ABI3BP: variants seen among roughly 807,000 people sequenced by gnomAD.
The protein encoded by ABI3BP is ABI family member 3 binding protein.
Under a neutral mutation model 268.6 loss-of-function variants are expected in ABI3BP, and 216 were observed. The ratio of observed to expected loss-of-function variants is 0.80; its 90% CI spans 0.72 to 0.90. The LOEUF (loss-of-function observed/expected upper bound fraction) is 0.90. ABI3BP is among the 40% of genes least tolerant of loss of function. The probability of loss-of-function intolerance (pLI) is 0.00; values close to 1 mark genes in which losing one functional copy is unlikely to be tolerated. For missense variants in ABI3BP, 2,090 were observed against 2,182.4 expected, an observed-to-expected ratio of 0.96 and a Z score of 0.84; for synonymous variants, 730 against 730.0, an observed-to-expected ratio of 1.00 and a Z score of 0.00.
At chr3:100,926,527 T>C (rs533072797) in intron 1 of ABI3BP, 46 bp from the exon 2 acceptor site, 9 of 1,559,876 alleles carry the variant, frequency 5.8e-6, no homozygotes, top group African/African-American at 2.7e-5. Context: ...TTCCCCTTTT[T>C]AGCATCCTAC....
chr3:100,911,481 G>T, intron 2 of ABI3BP: 2 of 410,594 alleles, frequency 4.9e-6, no homozygotes, highest in Non-Finnish European at 8.9e-6. Context: ...TTTATTGCTT[G>T]TTCATTGTTT....
intron 14 of ABI3BP, 60 bp from the exon 15 acceptor site, chr3:100,852,000 T>C: frequency 7.2e-7 from 1 of 1,385,178 alleles, no homozygotes; most frequent in Non-Finnish European, 9.8e-7. Context: ...ATTTGATTAA[T>C]TTAGAAAGAT....
chr3:100,821,959 C>A (rs2098244086), intron 38 of ABI3BP, among the ~76,000 whole-genome samples: 1 of 152,062 alleles, frequency 6.6e-6, no homozygotes, highest in Non-Finnish European at 1.5e-5. Context: ...TTGGTCTCTA[C>A]TTGTGTCTTT....
intron 26 of ABI3BP, among the ~76,000 whole-genome samples, chr3:100,837,623 G>C (rs2098620703): frequency 6.6e-6 from 1 of 152,126 alleles, no homozygotes; most frequent in African/African-American, 2.4e-5. Context: ...CTGGTGTGGT[G>C]GTGGGTGCCT....
chr3:100,984,265 G>A (rs1171778082), intron 1 of ABI3BP, among the ~76,000 whole-genome samples: 1 of 152,074 alleles, frequency 6.6e-6, no homozygotes, highest in Non-Finnish European at 1.5e-5. Flanking sequence ...AATATATTGG[G>A]CTATAGCCTG....
chr3:100,775,664 T>C (rs571372759), intron 59 of ABI3BP, among the ~76,000 whole-genome samples: 2 of 152,042 alleles, frequency 1.3e-5, no homozygotes, highest in South Asian at 4.2e-4. Flanking sequence ...GATGTGCCAA[T>C]AGAGGAGAAG....
intron 32 of ABI3BP, among the ~76,000 whole-genome samples, 183 bp from the exon 33 acceptor site, chr3:100,829,847 T>C (rs1242739668): frequency 2.6e-5 from 4 of 151,866 alleles, no homozygotes; most frequent in Non-Finnish European, 4.4e-5. Context: ...AAAAATCACA[T>C]AGAAATATGA....
chr3:100,825,907 C>A, intron 34 of ABI3BP, 63 bp from the exon 35 acceptor site: 1 of 1,202,404 alleles, frequency 8.3e-7, no homozygotes, highest in Non-Finnish European at 1.2e-6. Flanking sequence ...GTATTCACAT[C>A]AAAACGTATC....
chr3:100,835,221 A>G (rs1469083096), intron 28 of ABI3BP, among the ~76,000 whole-genome samples: 2 of 152,224 alleles, frequency 1.3e-5, no homozygotes, highest in Non-Finnish European at 2.9e-5. Flanking sequence ...AATTCTCTGT[A>G]TATCTTAAAA....
chr3:100,936,873 T>A (rs1002785724), intron 1 of ABI3BP, among the ~76,000 whole-genome samples: 2 of 152,050 alleles, frequency 1.3e-5, no homozygotes, highest in East Asian at 3.9e-4. Flanking sequence ...TCTCTTTTCA[T>A]CTTTATTAGT....
intron 63 of ABI3BP, among the ~76,000 whole-genome samples, chr3:100,757,345 A>T (rs9842040): frequency 0.041 from 6,169 of 152,268 alleles, 372 homozygotes; most frequent in African/African-American, 0.13. Context: ...AACATGAGTT[A>T]CAAAATTTCA....
chr3:100,786,322 T>A (rs2097044673), intron 57 of ABI3BP, among the ~76,000 whole-genome samples: 1 of 152,196 alleles, frequency 6.6e-6, no homozygotes, highest in African/African-American at 2.4e-5. Flanking sequence ...GCTATATTAT[T>A]CTTCCAAAGC....
intron 51 of ABI3BP, among the ~76,000 whole-genome samples, chr3:100,804,365 A>G (rs967532186): frequency 6.6e-6 from 1 of 152,188 alleles, no homozygotes. Flanking sequence ...AAAAAACTCA[A>G]TGTGGACATA....
In ABI3BP at chr3:100,862,307, T is replaced by C. The variant is rs1363401106; in HGVS notation, c.1285+4A>G. On this transcript the variant is annotated splice_donor_region_variant and intron_variant, in intron 14 of 67. Transcript: ENST00000471714. ...CGATTTTTTTAAGAAAAGGATTTAATTACCAGTTTGAGGCTGCAGAACTTT... is the reference window on the plus strand; with the variant it reads ...CGATTTTTTTAAGAAAAGGATTTAACTACCAGTTTGAGGCTGCAGAACTTT... 5 of 1,583,954 alleles carry C rather than the reference T, an allele frequency of 3.2e-6. No individual in the cohort carries two copies. In the East Asian group the frequency reaches 1.1e-4, roughly 36 times the overall value.
At chr3:100,890,711 C>G (rs994022137) in intron 4 of ABI3BP, among the ~76,000 whole-genome samples, 2 of 152,070 alleles carry the variant, frequency 1.3e-5, no homozygotes, top group East Asian at 3.9e-4. Context: ...TATAGTAAAA[C>G]CTTATGACCA....
intron 2 of ABI3BP, among the ~76,000 whole-genome samples, chr3:100,916,758 C>G (rs1316698600): frequency 1.3e-5 from 2 of 152,174 alleles, no homozygotes; most frequent in African/African-American, 4.8e-5. Context: ...TGTGGCAAAC[C>G]CTCCAACCCT....
At chr3:100,993,265 C>T (rs1320691345) in intron 1 of ABI3BP, 41 bp downstream of exon 1, 1 of 1,338,920 alleles carries the variant, frequency 7.5e-7, no homozygotes, top group Non-Finnish European at 1.0e-6. Flanking sequence ...ACATCTATAT[C>T]TTAATATTAT....
In ABI3BP at chr3:100,749,549, C is replaced by T; in HGVS notation, c.*946G>A. On this transcript the variant is annotated 3_prime_UTR_variant, in exon 68 of 68. Transcript: ENST00000471714. ...GAGTTAGTTAGTTAGATTTTTATTA[C>T]AGATTGAATTAAACAGTTACAAAGA... 2.7e-6 allele frequency: 1 copy of T among 366,174 alleles called. No individual in the cohort carries two copies. The highest frequency in any genetic ancestry group is 3.7e-5 in the East Asian group (1 of 26,764). The allele number at this position is 366,174 out of a possible 1,614,324, so 22.7% of individuals were successfully genotyped here. A position where few individuals can be genotyped will look rare whatever the true frequency, so the allele number is the denominator to read the frequency against.
intron 1 of ABI3BP, among the ~76,000 whole-genome samples, chr3:100,991,597 A>T (rs2092925275): frequency 6.6e-6 from 1 of 152,226 alleles, no homozygotes; most frequent in Admixed American, 6.5e-5. Context: ...TTTGAAAAAG[A>T]TGACTTCAGC....
Sources: gnomAD v4.1 joint callset for allele counts (sites outside exome capture counted in the v4.1 genomes callset) on GRCh38, gnomAD v4.1.1 for gene constraint, MANE v1.5 for transcripts, NCBI Gene and HGNC (gene_info 2026-07-23, HGNC 2026-07-21) for gene names.